GRID2: variants seen among roughly 807,000 people sequenced by gnomAD.
GRID2 encodes glutamate receptor ionotropic, delta-2.
Under a neutral mutation model 114.8 loss-of-function variants are expected in GRID2, and 33 were observed. That is an observed-to-expected ratio of 0.29 (90% CI 0.22 to 0.38). The LOEUF is 0.38. Among genes scored for constraint, GRID2 ranks in the 10% least tolerant of loss-of-function variants. The pLI, the probability that GRID2 is intolerant of heterozygous loss-of-function variation, is 1.00. For missense variants in GRID2, 1,184 were observed against 1,257.7 expected, an observed-to-expected ratio of 0.94 and a Z score of 0.89; for synonymous variants, 505 against 449.9, an observed-to-expected ratio of 1.12 and a Z score of -1.55.
intron 9 of GRID2, among the ~76,000 whole-genome samples, chr4:93,421,215 A>T (rs1208166851): frequency 6.6e-6 from 1 of 152,132 alleles, no homozygotes; most frequent in Non-Finnish European, 1.5e-5. Flanking sequence ...GAAATGTTGC[A>T]CAAACCACCC....
intron 1 of GRID2, among the ~76,000 whole-genome samples, chr4:92,392,795 A>G (rs1163053042): frequency 6.6e-6 from 1 of 152,012 alleles, no homozygotes; most frequent in African/African-American, 2.4e-5. Flanking sequence ...ACATACTAAT[A>G]TTTTTCATAA....
At chr4:93,479,962 G>A (rs1463953867) in intron 11 of GRID2, among the ~76,000 whole-genome samples, 2 of 152,020 alleles carry the variant, frequency 1.3e-5, no homozygotes, top group Non-Finnish European at 2.9e-5. Context: ...GTTATAAAAT[G>A]TGCTTGAAAA....
intron 14 of GRID2, among the ~76,000 whole-genome samples, chr4:93,747,238 T>C (rs1317642608): frequency 1.3e-5 from 2 of 152,142 alleles, no homozygotes; most frequent in Non-Finnish European, 2.9e-5. Flanking sequence ...TTTGCTTAGT[T>C]CAACTGTGAA....
chr4:93,171,073 C>T (rs147547466), intron 4 of GRID2, among the ~76,000 whole-genome samples: 2 of 152,260 alleles, frequency 1.3e-5, no homozygotes, highest in East Asian at 3.9e-4. Flanking sequence ...AAATTTAGAT[C>T]ATGTCACTTC....
rs533690232 is a variant in GRID2 at position 93,593,439 on chromosome 4, G to A, written c.2194-32830G>A. ...CGAGAGATCCGCTGTTAGTCTGATG[G>A]GCTTCCCTTTGAGGGTAACCCGACC... On this transcript the variant is annotated intron_variant, in intron 13 of 15. Coordinates refer to ENST00000282020, the MANE Select transcript of GRID2 (RefSeq NM_001510.4). Among the ~76,000 whole-genome samples the A allele has an allele frequency of 3.3e-3, 421 of 129,226 alleles. 5 individuals carry two copies. The highest frequency in any genetic ancestry group is 0.012 in the African/African-American group (399 of 34,432). The allele number at this position is 129,226 out of a possible 152,430, so 84.8% of individuals were successfully genotyped here. A position where few individuals can be genotyped will look rare whatever the true frequency, so the allele number is the denominator to read the frequency against.
At chr4:93,486,821 T>C (rs1016539554) in intron 11 of GRID2, among the ~76,000 whole-genome samples, 1 of 151,772 alleles carries the variant, frequency 6.6e-6, no homozygotes, top group African/African-American at 2.4e-5. Context: ...TCAGGTTTTG[T>C]TATCAAAGTT....
intron 1 of GRID2, among the ~76,000 whole-genome samples, chr4:92,326,158 T>C (rs1238973311): frequency 6.6e-6 from 1 of 151,872 alleles, no homozygotes; most frequent in Admixed American, 6.6e-5. Flanking sequence ...AGACTTGTCT[T>C]TCAGAATTGA....
rs186950367 is a variant in GRID2 at position 93,060,217 on chromosome 4, G to T, written c.245-24778G>T. On this transcript the variant is annotated intron_variant, in intron 2 of 15. Transcript: ENST00000282020. ...GTTAGCAGCAGCCTCTATCCTCTGG[G>T]TCTAGTCAAACTGAAGCTGTCTCAA... is the stretch of plus-strand genomic sequence containing the variant. Among the ~76,000 whole-genome samples, 113 of 152,216 alleles carry T rather than the reference G, an allele frequency of 7.4e-4. No homozygotes were observed. The Middle Eastern group carries it at 0.01, about 14-fold the overall frequency.
At chr4:92,804,233 T>C (rs901617957) in intron 2 of GRID2, among the ~76,000 whole-genome samples, 4 of 152,034 alleles carry the variant, frequency 2.6e-5, no homozygotes, top group Admixed American at 2.6e-4. Context: ...CAAATAATCT[T>C]ACTATGTTAT....
intron 7 of GRID2, among the ~76,000 whole-genome samples, chr4:93,233,907 A>AT (rs1249513370): frequency 6.6e-6 from 1 of 152,140 alleles, no homozygotes; most frequent in Non-Finnish European, 1.5e-5. Context: ...TAAAATAATG[A>AT]TTCCTAGGTT....
At chr4:92,511,392 C>A (rs184701376) in intron 1 of GRID2, among the ~76,000 whole-genome samples, 1 of 151,736 alleles carries the variant, frequency 6.6e-6, no homozygotes, top group Non-Finnish European at 1.5e-5. Context: ...CCAGGTCCAC[C>A]GCCAACACTG....
chr4:92,526,676 C>T (rs1337465809), intron 1 of GRID2, among the ~76,000 whole-genome samples: 2 of 151,792 alleles, frequency 1.3e-5, no homozygotes, highest in South Asian at 2.1e-4. Context: ...AAAATGTAAG[C>T]CTTAAGTTAG....
intron 2 of GRID2, among the ~76,000 whole-genome samples, chr4:92,958,230 T>C (rs1752558774): frequency 6.6e-6 from 1 of 152,060 alleles, no homozygotes; most frequent in Non-Finnish European, 1.5e-5. Context: ...CTGATCTTAG[T>C]TAGAAAGCTT....
intron 1 of GRID2, among the ~76,000 whole-genome samples, chr4:92,431,181 C>G (rs1212171060): frequency 6.6e-6 from 1 of 152,138 alleles, no homozygotes; most frequent in Admixed American, 6.5e-5. Flanking sequence ...TTGTCATATT[C>G]CAGATCTTAA....
Position 92,852,748 on chromosome 4 carries a change from A to C in GRID2, c.245-232247A>C, listed in dbSNP as rs563511595. On this transcript the variant is annotated intron_variant, in intron 2 of 15. Coordinates refer to ENST00000282020, the MANE Select transcript of GRID2 (RefSeq NM_001510.4). ...TCCTCGTGGCGCACTCTTTGCTGTA[A>C]CCACACTGGAATATTATGAAGAGCC... is the stretch of plus-strand genomic sequence containing the variant. Among the ~76,000 whole-genome samples, 205 of 151,778 alleles carry C rather than the reference A, an allele frequency of 1.4e-3. 1 individual carries two copies. The highest frequency in any genetic ancestry group is 4.6e-3 in the African/African-American group (192 of 41,412).
chr4:92,925,239 C>T (rs1331959136), intron 2 of GRID2, among the ~76,000 whole-genome samples: 2 of 152,094 alleles, frequency 1.3e-5, no homozygotes, highest in African/African-American at 4.8e-5. Context: ...CCTTTCACCC[C>T]CACCATGGGA....
In GRID2 at chr4:92,964,437, G is replaced by A. The variant is rs375366340; in HGVS notation, c.245-120558G>A. On this transcript the variant is annotated intron_variant, in intron 2 of 15. Transcript: ENST00000282020. ...AGAGCATTAGAACAAATGTACATGGGGGTTAAAGCCTAGATGACAGGTTGA... is the reference window on the plus strand; with the variant it reads ...AGAGCATTAGAACAAATGTACATGGAGGTTAAAGCCTAGATGACAGGTTGA... Among the ~76,000 whole-genome samples, 14 of 152,046 alleles carry A rather than the reference G, an allele frequency of 9.2e-5. No individual in the cohort carries two copies. The East Asian group carries it at 2.7e-3, about 29-fold the overall frequency.
rs949473628 is a variant in GRID2, at chr4:92,935,137, C to T, written c.245-149858C>T. Among the ~76,000 whole-genome samples the T allele has an allele frequency of 3.4e-5, 5 of 146,302 alleles. 1 individual carries two copies. The highest frequency in any genetic ancestry group is 1.2e-4 in the African/African-American group (5 of 41,090). ...TGGGAGAAAATTTTCACAACCTACT[C>T]ATCTGACAAAGGGCTAATATCCAGA... On this transcript the variant is annotated intron_variant, in intron 2 of 15. Coordinates refer to ENST00000282020, the MANE Select transcript of GRID2 (RefSeq NM_001510.4).
At chr4:92,847,379 T>A (rs1281090904) in intron 2 of GRID2, among the ~76,000 whole-genome samples, 1 of 152,056 alleles carries the variant, frequency 6.6e-6, no homozygotes, top group Non-Finnish European at 1.5e-5. Context: ...CAGTTTTTTC[T>A]TGGGCTTCTT....
Sources: allele counts gnomAD v4.1 joint callset (sites outside exome capture counted in the v4.1 genomes callset), GRCh38; gene constraint gnomAD v4.1.1; transcripts MANE v1.5; gene names NCBI Gene and HGNC (gene_info 2026-07-23, HGNC 2026-07-21).